Variants in SYT14 observed in about 807,000 individuals in gnomAD.
SYT14 encodes synaptotagmin 14.
Under a neutral mutation model 74.2 loss-of-function variants are expected in SYT14, and 32 were observed. The observed-to-expected ratio is 0.43, with a 90% CI of 0.33 to 0.58. SYT14 has a LOEUF of 0.58. Among genes scored for constraint, SYT14 ranks in the 20% least tolerant of loss-of-function variants. The probability of loss-of-function intolerance (pLI) is 0.05; values close to 1 mark genes in which losing one functional copy is unlikely to be tolerated. For synonymous variants in SYT14, 298 were observed against 337.7 expected, an observed-to-expected ratio of 0.88 and a Z score of 1.29; for missense variants, 791 against 981.8, an observed-to-expected ratio of 0.81 and a Z score of 2.60.
At chr1:209,989,901 TC>T (rs940451438) in intron 2 of SYT14, among the ~76,000 whole-genome samples, 6 of 152,178 alleles carry the variant, frequency 3.9e-5, no homozygotes, top group East Asian at 1.9e-4. Flanking sequence ...ATTTATATTT[TC>T]ATTTCAATTT....
At chr1:210,139,298 G>C (rs746921739) in intron 7 of SYT14, among the ~76,000 whole-genome samples, 14 of 119,200 alleles carry the variant, frequency 1.2e-4, no homozygotes, top group Non-Finnish European at 2.2e-4. Context: ...GATTTTTAGT[G>C]GAGATGGGGT....
chr1:210,129,584 A>G (rs937545192), intron 7 of SYT14, among the ~76,000 whole-genome samples: 2 of 152,214 alleles, frequency 1.3e-5, no homozygotes, highest in African/African-American at 4.8e-5. Flanking sequence ...GTCTACTGTA[A>G]TATTTATTTA....
chr1:210,134,261 C>G (rs1014367088), intron 7 of SYT14, among the ~76,000 whole-genome samples: 4 of 151,866 alleles, frequency 2.6e-5, no homozygotes, highest in African/African-American at 9.7e-5. Flanking sequence ...TGCCACCACA[C>G]CTGGCTAATT....
At chr1:209,999,917 C>T (rs969455335) in intron 2 of SYT14, among the ~76,000 whole-genome samples, 1 of 152,052 alleles carries the variant, frequency 6.6e-6, no homozygotes, top group African/African-American at 2.4e-5. Context: ...ATGTTCCCAG[C>T]ACATGGAAAT....
At chr1:210,027,431 CATAAG>C (rs2080438138) in intron 5 of SYT14, among the ~76,000 whole-genome samples, 1 of 150,382 alleles carries the variant, frequency 6.6e-6, no homozygotes, top group African/African-American at 2.4e-5. Context: ...AAAAAAAAGT[CATAAG>C]GAAAAGAAAA....
exon 10 of SYT14, chr1:210,162,343 C>G (rs2083389586): frequency 2.2e-6 from 1 of 445,532 alleles, no homozygotes; most frequent in East Asian, 7.0e-5. Context: ...GTCGCAAGAT[C>G]TTTATTTCCT....
At chr1:210,155,822 C>T (rs1279840215) in exon 8 of SYT14, 2 of 1,614,072 alleles carry the variant, frequency 1.2e-6, no homozygotes, top group Admixed American at 3.3e-5. Context: ...TTCTTATTGG[C>T]CTGCTTTATA....
Position 210,111,912 on chromosome 1 carries a change from G to A in SYT14, c.2034+11451G>A, listed in dbSNP as rs115288265. 2.9e-3 allele frequency among the ~76,000 whole-genome samples: 436 copies of A among 151,208 alleles called. 27 individuals are homozygous for A. Among genetic ancestry groups the A allele is most frequent in the African/African-American group, 9.6e-3 (391 of 40,584 alleles). On this transcript the variant is annotated intron_variant, in intron 7 of 9. Coordinates refer to ENST00000637265, the Ensembl canonical transcript of SYT14. ...TTTTAAGTTGGAGGCTGTGAGGTGA[G>A]GTGTGTTTTTAAAAGACCATTAGTC...
At chr1:210,002,570 G>T (rs556589959) in intron 2 of SYT14, among the ~76,000 whole-genome samples, 40 of 151,048 alleles carry the variant, frequency 2.6e-4, no homozygotes, top group Admixed American at 6.6e-4. Context: ...GATTTTTATC[G>T]TCTGAAAGAT....
intron 7 of SYT14, among the ~76,000 whole-genome samples, chr1:210,106,676 T>TA (rs773461426): frequency 1.3e-5 from 2 of 152,122 alleles, no homozygotes; most frequent in Non-Finnish European, 2.9e-5. Flanking sequence ...CCCCCATGAT[T>TA]AAATTATGTC....
intron 2 of SYT14, chr1:209,965,861 G>T: frequency 4.5e-6 from 2 of 445,562 alleles, no homozygotes; most frequent in African/African-American, 2.0e-5. Context: ...ATATTTATCG[G>T]TTTATTTTTG....
At chr1:210,044,042 T>C (rs145071243) in intron 5 of SYT14, among the ~76,000 whole-genome samples, 258 of 152,312 alleles carry the variant, frequency 1.7e-3, no homozygotes, top group African/African-American at 6.0e-3. Context: ...TTAGGAACTA[T>C]CTTTTAATTT....
chr1:209,943,508 CAAAAAAA>C (rs58806792), intron 1 of SYT14, among the ~76,000 whole-genome samples: 2 of 59,328 alleles, frequency 3.4e-5, no homozygotes, highest in Non-Finnish European at 2.9e-5. Flanking sequence ...GATTCAATCT[CAAAAAAA>C]AAAAAAAAAA....
At chr1:210,024,678 G>C (rs2080372386) in intron 5 of SYT14, among the ~76,000 whole-genome samples, 2 of 152,182 alleles carry the variant, frequency 1.3e-5, no homozygotes, top group Admixed American at 6.5e-5. Context: ...TATATGCTTA[G>C]AGAATAGAAA....
chr1:210,158,925 C>T (rs2083320427), intron 8 of SYT14, among the ~76,000 whole-genome samples: 2 of 151,902 alleles, frequency 1.3e-5, no homozygotes, highest in South Asian at 2.1e-4. Flanking sequence ...CCCCATTTTT[C>T]CAAAGAAAGA....
chr1:210,096,375 G>A (rs558979552), intron 6 of SYT14, among the ~76,000 whole-genome samples: 2 of 152,350 alleles, frequency 1.3e-5, no homozygotes, highest in South Asian at 4.1e-4. Flanking sequence ...GTGTGCATGT[G>A]TGTGTGTGAG....
intron 2 of SYT14, among the ~76,000 whole-genome samples, chr1:209,971,131 C>G (rs1295204856): frequency 6.6e-6 from 1 of 152,030 alleles, no homozygotes; most frequent in African/African-American, 2.4e-5. Flanking sequence ...CTAGATATTT[C>G]TTTTTTTATG....
At chr1:209,951,219 A>T (rs763968937) in intron 1 of SYT14, among the ~76,000 whole-genome samples, 110 of 152,132 alleles carry the variant, frequency 7.2e-4, no homozygotes, top group Non-Finnish European at 8.4e-4. Flanking sequence ...CAGATCTCTA[A>T]AACTCCTCAT....
At chr1:210,162,500 T>A (rs2083393520) in exon 10 of SYT14, 1 of 353,910 alleles carries the variant, frequency 2.8e-6, no homozygotes, top group Non-Finnish European at 5.4e-6. Context: ...ATTTTATGCA[T>A]ATACTTTATC....
Sources: gnomAD v4.1 joint callset for allele counts (sites outside exome capture counted in the v4.1 genomes callset) on GRCh38, gnomAD v4.1.1 for gene constraint, MANE v1.5 for transcripts, NCBI Gene and HGNC (gene_info 2026-07-23, HGNC 2026-07-21) for gene names.